The following MAP3K13 variants were observed in gnomAD, a reference collection of about 807,000 sequenced individuals.
The protein encoded by MAP3K13 is mitogen-activated protein kinase kinase kinase 13, also known as leucine zipper-bearing kinase.
A neutral mutation model predicts 104.0 loss-of-function variants in MAP3K13; 52 were observed. The observed-to-expected ratio is 0.50, with a 90% CI of 0.40 to 0.63. The LOEUF is 0.63. Among genes scored for constraint, MAP3K13 ranks in the 20% least tolerant of loss-of-function variants. The pLI is 0.00. For missense variants in MAP3K13, 914 were observed against 1,218.5 expected, an observed-to-expected ratio of 0.75 and a Z score of 3.72; for synonymous variants, 394 against 442.2, an observed-to-expected ratio of 0.89 and a Z score of 1.37.
At chr3:185,327,480 A>C (rs768202024) in intron 2 of MAP3K13, among the ~76,000 whole-genome samples, 9 of 148,406 alleles carry the variant, frequency 6.1e-5, no homozygotes, top group African/African-American at 2.2e-4. Flanking sequence ...GAAGGGGTCA[A>C]ATTGGACTCA....
At chr3:185,355,682 C>T (rs993614196) in intron 2 of MAP3K13, among the ~76,000 whole-genome samples, 21 of 151,698 alleles carry the variant, frequency 1.4e-4, no homozygotes, top group Admixed American at 5.9e-4. Context: ...TCAGAATTGA[C>T]TTTAAAATGA....
intron 2 of MAP3K13, among the ~76,000 whole-genome samples, chr3:185,308,903 C>G (rs1175757775): frequency 3.9e-5 from 6 of 152,072 alleles, no homozygotes; most frequent in Admixed American, 3.3e-4. Flanking sequence ...GCCTGGGATA[C>G]TGTGACTTTT....
In MAP3K13 at chr3:185,418,627, G is replaced by A; in HGVS notation, c.-85-9870G>A. On this transcript the variant is annotated intron_variant, in intron 1 of 13. Coordinates refer to ENST00000265026, the MANE Select transcript of MAP3K13 (RefSeq NM_004721.5). The surrounding 1 kb of genome is among the most constrained non-coding windows in gnomAD (Gnocchi z 4.5). ...ACCTGCTAATTCACTGGCAGCGTAG[G>A]GCTGTCTGTTGTTTTTGCGCAAGTT... 6.2e-7 allele frequency: 1 copy of A among 1,612,080 alleles called. No individual in the cohort carries two copies. Among genetic ancestry groups the A allele is most frequent in the South Asian group, 1.1e-5 (1 of 90,994 alleles).
chr3:185,479,533 A>C lies in MAP3K13; in HGVS notation c.2502-699A>C, dbSNP rs575123582. On this transcript the variant is annotated intron_variant, in intron 12 of 13. Transcript: ENST00000265026. ...AATTTCAATTTGGACATTCCATACT[A>C]TGCATATATGTACATAACGTGATTA... Among the ~76,000 whole-genome samples the C allele has an allele frequency of 5.3e-5, 8 of 152,314 alleles. 1 individual carries two copies. The South Asian group carries it at 1.7e-3, about 32-fold the overall frequency.
intron 2 of MAP3K13, among the ~76,000 whole-genome samples, chr3:185,288,413 G>T (rs1020818319): frequency 2.7e-5 from 4 of 150,206 alleles, no homozygotes; most frequent in African/African-American, 7.3e-5. Flanking sequence ...TATTTATATA[G>T]AGAGAATATA....
chr3:185,430,705 G>A (rs1714693593), intron 2 of MAP3K13, among the ~76,000 whole-genome samples: 1 of 151,984 alleles, frequency 6.6e-6, no homozygotes, highest in Admixed American at 6.6e-5. Flanking sequence ...ATGAAATTTG[G>A]AAAATACAGG....
intron 1 of MAP3K13, among the ~76,000 whole-genome samples, chr3:185,415,577 CTTTTT>C (rs869297992): frequency 1.4e-5 from 1 of 72,994 alleles, no homozygotes; most frequent in Non-Finnish European, 2.5e-5. Flanking sequence ...GGGTTAATTT[CTTTTT>C]TTTTTTTTTT....
At chr3:185,354,246 T>G (rs1167343958) in intron 2 of MAP3K13, among the ~76,000 whole-genome samples, 2 of 151,456 alleles carry the variant, frequency 1.3e-5, no homozygotes, top group Non-Finnish European at 1.5e-5. Flanking sequence ...ACAGGACATA[T>G]CTATCTGCTA....
At chr3:185,381,185 A>G (rs769823054) in intron 1 of MAP3K13, among the ~76,000 whole-genome samples, 6 of 151,592 alleles carry the variant, frequency 4.0e-5, no homozygotes, top group Non-Finnish European at 5.9e-5. Context: ...CTGATCTCGA[A>G]CTCCTGACTC....
At chr3:185,464,983 CTATT>C (rs905410024) in intron 8 of MAP3K13, among the ~76,000 whole-genome samples, 17 of 151,924 alleles carry the variant, frequency 1.1e-4, no homozygotes, top group Admixed American at 6.6e-5. Flanking sequence ...AAGACCCCAC[CTATT>C]TATTTATTTA....
At position 185,383,094 on chromosome 3, in the gene MAP3K13, G is replaced by A. The variant is rs1221773406; in HGVS notation, c.-86+19726G>A. ...TTCTCATTGTTCAATTCCCACCTAT[G>A]AGTGAGAATATGCGGTGTTTGGTTT... On this transcript the variant is annotated intron_variant, in intron 1 of 13. Transcript: ENST00000265026. Among the ~76,000 whole-genome samples the A allele has an allele frequency of 1.1e-4, 14 of 132,458 alleles. No individual in the cohort carries two copies. In the East Asian group the frequency reaches 2.8e-3, roughly 26 times the overall value. 86.9% of individuals were successfully genotyped at this position (132,458 alleles called of 152,430 possible). A position where few individuals can be genotyped will look rare whatever the true frequency, so the allele number is the denominator to read the frequency against.
At chr3:185,455,182 T>G (rs183828440) in intron 7 of MAP3K13, among the ~76,000 whole-genome samples, 1 of 70,664 alleles carries the variant, frequency 1.4e-5, no homozygotes, top group African/African-American at 4.7e-5. Context: ...ATATATATGA[T>G]ATATATGAGA....
intron 2 of MAP3K13, among the ~76,000 whole-genome samples, chr3:185,432,880 G>A (rs1490596650): frequency 1.3e-5 from 2 of 152,194 alleles, no homozygotes; most frequent in Non-Finnish European, 2.9e-5. Flanking sequence ...GCAGATTGCA[G>A]GATATCCTAC....
chr3:185,411,708 T>C (rs1380223537), intron 1 of MAP3K13, among the ~76,000 whole-genome samples: 3 of 152,162 alleles, frequency 2.0e-5, no homozygotes, highest in African/African-American at 7.2e-5. Context: ...TGCAACTTTT[T>C]AGGAGCACTT....
In MAP3K13 at chr3:185,480,427, A is replaced by C; in HGVS notation, c.2697A>C (p.Ile899=). The part of the protein sequence containing the change: ...LSQTPEIPID[I]SSHSDGLSDK... ...AGACGCCAGAGATTCCCATTGACAT[A>C]TCCTCACACTCGGATGGGCTCTCTG... The change falls in exon 13 of 14, where the codon ATA becomes ATC. Residue 899 remains isoleucine, a synonymous_variant. Coordinates refer to ENST00000265026, the MANE Select transcript of MAP3K13 (RefSeq NM_004721.5). The C allele has an allele frequency of 6.2e-7, 1 of 1,614,180 alleles. No individual in the cohort carries two copies. The highest frequency in any genetic ancestry group is 8.5e-7 in the Non-Finnish European group (1 of 1,180,032).
intron 1 of MAP3K13, among the ~76,000 whole-genome samples, chr3:185,411,500 A>T (rs1391394910): frequency 6.6e-6 from 1 of 152,224 alleles, no homozygotes; most frequent in Non-Finnish European, 1.5e-5. Flanking sequence ...GAGAGCTATG[A>T]AATTGACATT....
At chr3:185,298,013 T>A (rs1720979011) in intron 2 of MAP3K13, among the ~76,000 whole-genome samples, 1 of 151,882 alleles carries the variant, frequency 6.6e-6, no homozygotes, top group African/African-American at 2.4e-5. Flanking sequence ...ATTATTGCCA[T>A]GTCTGCAGGC....
intron 1 of MAP3K13, among the ~76,000 whole-genome samples, chr3:185,392,581 G>A (rs1340225217): frequency 6.6e-6 from 1 of 152,314 alleles, no homozygotes; most frequent in East Asian, 1.9e-4. Flanking sequence ...TGTCACACAT[G>A]AGGCTGGAGA....
chr3:185,363,427 G>A (rs1335214540), intron 1 of MAP3K13, 59 bp downstream of exon 1: 3 of 847,122 alleles, frequency 3.5e-6, no homozygotes, highest in Non-Finnish European at 4.3e-6. Context: ...AGGACAGACA[G>A]AGAATGTGTG....
Sources: gnomAD v4.1 joint callset for allele counts (sites outside exome capture counted in the v4.1 genomes callset) on GRCh38, gnomAD v4.1.1 for gene constraint, Gnocchi (gnomAD v3.1) non-coding constraint, MANE v1.5 for transcripts, NCBI Gene and HGNC (gene_info 2026-07-23, HGNC 2026-07-21) for gene names.